The following HRH4 variants were observed in gnomAD, a reference collection of about 807,000 sequenced individuals.
The protein encoded by HRH4 is histamine H4 receptor.
HRH4 carries 12 observed loss-of-function variants against 10.4 expected under a neutral mutation model. The observed-to-expected ratio is 1.15, with a 90% CI of 0.74 to 1.87. The LOEUF (loss-of-function observed/expected upper bound fraction) is 1.87. Ranked by LOEUF, HRH4 falls within the 40% of genes most tolerant of loss-of-function variation. The pLI is 0.00. For missense variants in HRH4, 415 were observed against 453.3 expected, an observed-to-expected ratio of 0.92 and a Z score of 0.77; for synonymous variants, 154 against 166.6, an observed-to-expected ratio of 0.92 and a Z score of 0.58.
intron 1 of HRH4, among the ~76,000 whole-genome samples, chr18:24,465,156 C>T (rs796668187): frequency 1.8e-4 from 27 of 152,116 alleles, no homozygotes; most frequent in South Asian, 8.3e-4. Context: ...GGCGTGGTGG[C>T]GTGTGCCTGT....
rs755610688 is a variant in HRH4, at chr18:24,468,810, C to T, written c.216C>T (p.Tyr72=). The T allele has an allele frequency of 1.2e-6, 2 of 1,613,604 alleles. No individual in the cohort carries two copies. Among genetic ancestry groups the T allele is most frequent in the South Asian group, 1.1e-5 (1 of 90,970 alleles). ...CAGGTGTGATCTCCATTCCTTTGTA[C>T]ATCCCTCACACGCTGTTCGAATGGG... ...FFVGVISIPL[Y]IPHTLFEWDF... The change falls in exon 2 of 3, where the codon TAC becomes TAT. Residue 72 remains tyrosine, a synonymous_variant. Transcript: ENST00000256906.
intron 1 of HRH4, among the ~76,000 whole-genome samples, chr18:24,464,561 A>G (rs913894260): frequency 6.6e-6 from 1 of 152,126 alleles, no homozygotes; most frequent in Non-Finnish European, 1.5e-5. Flanking sequence ...TGGCGGCCCA[A>G]AGGATTTACT....
intron 2 of HRH4, among the ~76,000 whole-genome samples, chr18:24,474,911 C>G (rs1264845720): frequency 6.6e-6 from 1 of 152,056 alleles, no homozygotes. Flanking sequence ...GTCTCGATCT[C>G]CTGGCCTTGT....
intron 1 of HRH4, among the ~76,000 whole-genome samples, chr18:24,463,669 G>T (rs1909698432): frequency 6.6e-6 from 1 of 152,170 alleles, no homozygotes; most frequent in African/African-American, 2.4e-5. Context: ...TGGAACTGTG[G>T]CTTTGCTGGC....
chr18:24,468,170 A>T (rs1909827376), intron 1 of HRH4, among the ~76,000 whole-genome samples: 1 of 152,096 alleles, frequency 6.6e-6, no homozygotes, highest in Non-Finnish European at 1.5e-5. Context: ...GTATTTCCAT[A>T]TAACCTATGT....
chr18:24,473,870 A>G (rs916941297), intron 2 of HRH4, among the ~76,000 whole-genome samples: 5 of 152,188 alleles, frequency 3.3e-5, no homozygotes, highest in African/African-American at 1.2e-4. Flanking sequence ...TGGGGCGGGA[A>G]AAAAGTAGGG....
intron 2 of HRH4, among the ~76,000 whole-genome samples, chr18:24,471,517 G>T (rs1909952171): frequency 7.2e-6 from 1 of 138,136 alleles, no homozygotes; most frequent in African/African-American, 2.7e-5. Context: ...TGAGGAAGGA[G>T]AATTGCTTGA....
At chr18:24,467,985 A>G (rs1431731366) in intron 1 of HRH4, among the ~76,000 whole-genome samples, 1 of 152,178 alleles carries the variant, frequency 6.6e-6, no homozygotes, top group Non-Finnish European at 1.5e-5. Context: ...TGAAAAAAGT[A>G]AAGATGATTT....
rs201245563 is a variant in HRH4 at position 24,477,180 on chromosome 18, G to T, written c.791G>T (p.Arg264Ile). Residue 264 changes from arginine (R) to isoleucine (I), a missense_variant, in exon 3 of 3, where the codon AGA becomes ATA. Coordinates refer to ENST00000256906, the MANE Select transcript of HRH4 (RefSeq NM_021624.4). ...AAGAGTAGTCTCATGTTTTCCTCAA[G>T]AACCAAGATGAATAGCAATACAATT... The part of the protein sequence containing the change: ...RRKSSLMFSS[R>I]TKMNSNTIAS... 6.9e-5 allele frequency: 111 copies of T among 1,614,026 alleles called. No homozygotes were observed. Among genetic ancestry groups the T allele is most frequent in the Non-Finnish European group, 8.7e-5 (103 of 1,180,048 alleles).
At chr18:24,476,257 T>C (rs1910127893) in intron 2 of HRH4, among the ~76,000 whole-genome samples, 1 of 152,212 alleles carries the variant, frequency 6.6e-6, no homozygotes, top group Non-Finnish European at 1.5e-5. Context: ...TTTATATATA[T>C]GTATCTCTAT....
intron 2 of HRH4, among the ~76,000 whole-genome samples, chr18:24,475,005 A>G (rs1292988140): frequency 6.6e-6 from 1 of 152,052 alleles, no homozygotes; most frequent in Non-Finnish European, 1.5e-5. Context: ...GATTTAAATG[A>G]GGTTCAGAGA....
At chr18:24,463,582 T>C (rs1909695881) in intron 1 of HRH4, among the ~76,000 whole-genome samples, 1 of 152,204 alleles carries the variant, frequency 6.6e-6, no homozygotes, top group Non-Finnish European at 1.5e-5. Flanking sequence ...CATTGATTCT[T>C]AACATTTGGG....
chr18:24,464,650 G>A (rs985856890), intron 1 of HRH4, among the ~76,000 whole-genome samples: 1 of 152,098 alleles, frequency 6.6e-6, no homozygotes, highest in Non-Finnish European at 1.5e-5. Context: ...TTAGAAAGAA[G>A]GGACGATGCC....
At chr18:24,469,061 T>G in intron 2 of HRH4, 110 bp downstream of exon 2, 15 of 741,552 alleles carry the variant, frequency 2.0e-5, no homozygotes, top group Non-Finnish European at 3.2e-5. Context: ...CGACAGGCCT[T>G]AGAGGAACCC....
At chr18:24,466,935 C>G (rs1909792929) in intron 1 of HRH4, among the ~76,000 whole-genome samples, 1 of 152,232 alleles carries the variant, frequency 6.6e-6, no homozygotes, top group Non-Finnish European at 1.5e-5. Context: ...CGTCACTTTT[C>G]AGTTAAGCAG....
In HRH4 at chr18:24,477,660, G is replaced by A. The variant is rs1910184297; in HGVS notation, c.*98G>A. 1 of 730,690 alleles carries A rather than the reference G, an allele frequency of 1.4e-6. No individual in the cohort carries two copies. The allele number at this position is 730,690 out of a possible 1,614,324, so 45.3% of individuals were successfully genotyped here. A position where few individuals can be genotyped will look rare whatever the true frequency, so the allele number is the denominator to read the frequency against. The stretch of plus-strand genomic sequence containing the variant: ...CCCTTTTCATTCTACCAACAGATCT[G>A]CACTTTGAAGTCAATGGTAAATTAC... On this transcript the variant is annotated 3_prime_UTR_variant, in exon 3 of 3. Coordinates refer to ENST00000256906, the MANE Select transcript of HRH4 (RefSeq NM_021624.4).
chr18:24,477,623 C>A lies in HRH4; in HGVS notation c.*61C>A. ...ATCTCACCTAAATGAATCAGGTCTG[C>A]CCTTTATCTTGCCCTTTTCATTCTA... On this transcript the variant is annotated 3_prime_UTR_variant, in exon 3 of 3. Transcript: ENST00000256906. 8.5e-7 allele frequency: 1 copy of A among 1,176,318 alleles called. No homozygotes were observed. Among genetic ancestry groups the A allele is most frequent in the Non-Finnish European group, 1.2e-6 (1 of 841,506 alleles). The allele number at this position is 1,176,318 out of a possible 1,614,324, so 72.9% of individuals were successfully genotyped here.
At chr18:24,468,089 G>A (rs917413171) in intron 1 of HRH4, among the ~76,000 whole-genome samples, 3 of 152,148 alleles carry the variant, frequency 2.0e-5, no homozygotes, top group Non-Finnish European at 2.9e-5. Flanking sequence ...TGTCTGTGGG[G>A]GGTTTGTTCC....
intron 2 of HRH4, among the ~76,000 whole-genome samples, chr18:24,473,727 G>A (rs1054166088): frequency 2.6e-5 from 4 of 152,056 alleles, no homozygotes; most frequent in Admixed American, 1.3e-4. Flanking sequence ...TACTTTTTGG[G>A]GGACATAATT....
Sources: allele counts gnomAD v4.1 joint callset (sites outside exome capture counted in the v4.1 genomes callset), GRCh38; gene constraint gnomAD v4.1.1; transcripts MANE v1.5; gene names NCBI Gene and HGNC (gene_info 2026-07-23, HGNC 2026-07-21).